GC: variants seen among roughly 807,000 people sequenced by gnomAD.
GC encodes GC vitamin D binding protein.
A neutral mutation model predicts 56.7 loss-of-function variants in GC; 43 were observed. That is an observed-to-expected ratio of 0.76 (90% CI 0.59 to 0.98). The LOEUF is 0.98. GC is among the 50% of genes least tolerant of loss of function. GC has a pLI of 0.00. For missense variants in GC, 529 were observed against 545.9 expected, an observed-to-expected ratio of 0.97 and a Z score of 0.31; for synonymous variants, 216 against 202.7, an observed-to-expected ratio of 1.07 and a Z score of -0.56.
chr4:71,756,036 G>A (rs1578287451), intron 8 of GC, among the ~76,000 whole-genome samples: 1 of 152,098 alleles, frequency 6.6e-6, no homozygotes, highest in East Asian at 1.9e-4. Flanking sequence ...GATGAAACAG[G>A]ATAAAAGTTT....
chr4:71,775,703 A>G (rs1035526987), intron 1 of GC, among the ~76,000 whole-genome samples: 1 of 152,062 alleles, frequency 6.6e-6, no homozygotes, highest in African/African-American at 2.4e-5. Flanking sequence ...AAAAATTAAC[A>G]AAGTGAAGAG....
chr4:71,746,573 G>T (rs1049515988), intron 11 of GC, among the ~76,000 whole-genome samples: 1 of 151,864 alleles, frequency 6.6e-6, no homozygotes, highest in Non-Finnish European at 1.5e-5. Flanking sequence ...CCTGATGAAT[G>T]ATTCAGCCAC....
chr4:71,746,256 G>A, intron 11 of GC, 51 bp from the exon 12 acceptor site: 1 of 862,956 alleles, frequency 1.2e-6, no homozygotes, highest in Non-Finnish European at 1.9e-6. Context: ...TTCATTTGTA[G>A]GCTACTAGAT....
intron 1 of GC, among the ~76,000 whole-genome samples, chr4:71,794,277 G>T (rs1437608652): frequency 1.3e-5 from 2 of 152,072 alleles, no homozygotes; most frequent in Non-Finnish European, 2.9e-5. Flanking sequence ...CTGTGAATCT[G>T]TCTGGTCCTG....
At chr4:71,771,671 A>G (rs191227877) in intron 1 of GC, among the ~76,000 whole-genome samples, 1 of 152,248 alleles carries the variant, frequency 6.6e-6, no homozygotes, top group East Asian at 1.9e-4. Flanking sequence ...CAAAAAAACC[A>G]CTTGCAACAA....
At chr4:71,799,316 T>C (rs1284707385) in intron 1 of GC, among the ~76,000 whole-genome samples, 1 of 152,210 alleles carries the variant, frequency 6.6e-6, no homozygotes. Context: ...AACAGGACTC[T>C]GTTTACCCCC....
intron 10 of GC, 132 bp downstream of exon 10, chr4:71,754,279 A>C (rs16846943): frequency 0.11 from 63,109 of 592,530 alleles, 6,219 homozygotes; most frequent in African/African-American, 0.4. Flanking sequence ...ACTTTAAAAA[A>C]CTCCTAATTG....
chr4:71,803,275 CT>C (rs1560718760), intron 1 of GC, among the ~76,000 whole-genome samples: 45 of 152,080 alleles, frequency 3.0e-4, no homozygotes, highest in Non-Finnish European at 5.9e-4. Context: ...ATAAAAAGAG[CT>C]AGTAAAGGAA....
upstream of GC, chr4:71,784,225 T>G: frequency 7.9e-7 from 1 of 1,262,710 alleles, no homozygotes; most frequent in Non-Finnish European, 1.0e-6. Flanking sequence ...ATAATATCAA[T>G]CAAGGTAAAT....
chr4:71,776,526 G>A (rs1742514452), intron 1 of GC, among the ~76,000 whole-genome samples: 1 of 151,862 alleles, frequency 6.6e-6, no homozygotes, highest in African/African-American at 2.4e-5. Flanking sequence ...ATGAGGAGCT[G>A]CTGGGAAAAT....
intron 1 of GC, among the ~76,000 whole-genome samples, chr4:71,776,560 G>A (rs149690971): frequency 8.6e-5 from 13 of 151,896 alleles, no homozygotes; most frequent in African/African-American, 2.9e-4. Context: ...AGTTAGACAG[G>A]AGGAATGTTT....
intron 6 of GC, 27 bp downstream of exon 6, chr4:71,763,381 A>C: frequency 8.2e-7 from 1 of 1,219,254 alleles, no homozygotes; most frequent in Non-Finnish European, 1.2e-6. Context: ...CAAACATCTA[A>C]ATATGACAAT....
In GC at chr4:71,746,772, T is replaced by TAAAAAAAAAAAAAAAA. The variant is rs34865299; in HGVS notation, c.1396-583_1396-568dup. Among the ~76,000 whole-genome samples, 26 of 100,648 alleles carry TAAAAAAAAAAAAAAAA rather than the reference T, an allele frequency of 2.6e-4. 1 individual carries two copies. Among genetic ancestry groups the TAAAAAAAAAAAAAAAA allele is most frequent in the African/African-American group, 1.0e-3 (25 of 23,836 alleles). 66.0% of individuals were successfully genotyped at this position (100,648 alleles called of 152,430 possible). On this transcript the variant is annotated intron_variant, in intron 11 of 12. Coordinates refer to ENST00000273951, the MANE Select transcript of GC (RefSeq NM_000583.4). ...CAAGGTCCAAAATACCTCTATTTTG[T>TAAAAAAAAAAAAAAAA]AAAAAAAAAAAAAAAAAAAAAAACT... is the stretch of plus-strand genomic sequence containing the variant.
intron 11 of GC, among the ~76,000 whole-genome samples, chr4:71,749,474 A>G (rs1469799288): frequency 6.6e-6 from 1 of 152,206 alleles, no homozygotes; most frequent in East Asian, 1.9e-4. Flanking sequence ...GAAAGGTTTC[A>G]AAAGTGATAT....
intron 1 of GC, among the ~76,000 whole-genome samples, chr4:71,778,954 C>G (rs1446672432): frequency 6.8e-6 from 1 of 148,124 alleles, no homozygotes; most frequent in Non-Finnish European, 1.5e-5. Context: ...CATTTTTATA[C>G]ATATGAGTGT....
chr4:71,777,440 G>A (rs1742543167), intron 1 of GC, among the ~76,000 whole-genome samples: 1 of 151,256 alleles, frequency 6.6e-6, no homozygotes, highest in South Asian at 2.1e-4. Flanking sequence ...AAAATGGAAT[G>A]CCAATGTTTT....
intron 1 of GC, among the ~76,000 whole-genome samples, chr4:71,790,196 G>A (rs764728144): frequency 6.7e-4 from 102 of 151,978 alleles, no homozygotes; most frequent in Admixed American, 1.2e-3. Flanking sequence ...AAGTAATTGT[G>A]GTTTTTGCCA....
intron 11 of GC, among the ~76,000 whole-genome samples, chr4:71,746,817 G>C (rs536342968): frequency 7.0e-6 from 1 of 143,860 alleles, no homozygotes; most frequent in Non-Finnish European, 1.5e-5. Context: ...TGGAGGCAAT[G>C]AGAGCTATTA....
intron 12 of GC, among the ~76,000 whole-genome samples, chr4:71,743,708 A>C (rs554118092): frequency 6.6e-6 from 1 of 152,352 alleles, no homozygotes; most frequent in South Asian, 2.1e-4. Flanking sequence ...TAACTTTGTG[A>C]ACAAGGTATA....
Sources: allele counts gnomAD v4.1 joint callset (sites outside exome capture counted in the v4.1 genomes callset), GRCh38; gene constraint gnomAD v4.1.1; transcripts MANE v1.5; gene names NCBI Gene and HGNC (gene_info 2026-07-23, HGNC 2026-07-21).